Variants in ERMP1 observed in about 807,000 individuals in gnomAD.
ERMP1 encodes endoplasmic reticulum metallopeptidase 1.
ERMP1 carries 86 observed loss-of-function variants against 92.0 expected under a neutral mutation model. The ratio of observed to expected loss-of-function variants is 0.93; its 90% confidence interval spans 0.79 to 1.12. The LOEUF (loss-of-function observed/expected upper bound fraction) is 1.12, where lower values mean the gene tolerates loss of function less well. ERMP1 is among the 50% of genes most tolerant of loss of function. The pLI is 0.00. For synonymous variants in ERMP1, 530 were observed against 412.8 expected (o/e 1.28, Z -3.44); for missense variants, 1,342 against 1,116.3 (o/e 1.20, Z -2.88).
chr9:5,841,453 G>A (rs553698134), intron 6 of ERMP1, among the ~76,000 whole-genome samples: 12 of 152,320 alleles, frequency 7.9e-5, no homozygotes, highest in East Asian at 1.9e-4. Context: ...GGGCAGAGGC[G>A]AGAATGGAAT....
intron 6 of ERMP1, among the ~76,000 whole-genome samples, chr9:5,838,390 A>C (rs1341118752): frequency 6.6e-6 from 1 of 151,966 alleles, no homozygotes; most frequent in East Asian, 1.9e-4. Flanking sequence ...AAAAATACCA[A>C]AAAAATTAGC....
chr9:5,859,600 A>C (rs1830433460), exon 6 of ERMP1, among the ~76,000 whole-genome samples: 1 of 152,242 alleles, frequency 6.6e-6, no homozygotes, highest in Non-Finnish European at 1.5e-5. Context: ...ACCTGTGATC[A>C]GTTGACAATG....
intron 4 of ERMP1, among the ~76,000 whole-genome samples, chr9:5,817,837 G>A (rs996483515): frequency 2.0e-5 from 3 of 151,408 alleles, no homozygotes; most frequent in Non-Finnish European, 2.9e-5. Flanking sequence ...CTCTAGTTAC[G>A]GCATCAATAC....
rs960316679 is a variant in ERMP1, at chr9:5,787,211, T to A, written c.2648A>T (p.Lys883Met). 1 of 1,614,002 alleles carries A rather than the reference T, an allele frequency of 6.2e-7. No homozygotes were observed. Among genetic ancestry groups the A allele is most frequent in the African/African-American group, 1.3e-5 (1 of 74,914 alleles). The change falls in exon 15 of 15, where the codon AAG becomes ATG. Residue 883 changes from lysine (K) to methionine (M), a missense_variant. Physicochemically the swap from Lys to Met is moderately conservative, Grantham distance 95. Coordinates refer to ENST00000339450, the MANE Select transcript of ERMP1 (RefSeq NM_024896.3). ...DKRSPQLDAL[K>M]EKFPDWTFPS... Reference sequence around the variant, plus strand: ...AAATGTCCAATCTGGGAACTTTTCCTTCAGAGCATCCAGTTGAGGGGATCT... The same window carrying A: ...AAATGTCCAATCTGGGAACTTTTCCATCAGAGCATCCAGTTGAGGGGATCT...
intron 6 of ERMP1, among the ~76,000 whole-genome samples, chr9:5,844,150 C>G (rs1830205126): frequency 6.6e-6 from 1 of 152,150 alleles, no homozygotes. Context: ...TCCTGGAAAA[C>G]ACTAACATCC....
chr9:5,809,271 C>A (rs1208248724), intron 8 of ERMP1, among the ~76,000 whole-genome samples: 1 of 152,148 alleles, frequency 6.6e-6, no homozygotes, highest in East Asian at 1.9e-4. Flanking sequence ...CCGCCCACCT[C>A]AGCCTCCCAA....
At position 5,810,107 on chromosome 9, in the gene ERMP1, C is replaced by A; in HGVS notation, c.1452G>T (p.Trp484Cys). ...FISLIGQSLS[W>C]YNHFYVSVCL... ...AAACGGAGACATAGAAGTGGTTATA[C>A]CATGAGAGAGACTGTCCAATAAGAG... is the stretch of plus-strand genomic sequence containing the variant. The change falls in exon 8 of 15, where the codon TGG (tryptophan) becomes TGT (cysteine). Residue 484 changes from tryptophan (W) to cysteine (C), a missense_variant. Physicochemically the swap from Trp to Cys is radical, Grantham distance 215. Coordinates refer to ENST00000339450, the MANE Select transcript of ERMP1 (RefSeq NM_024896.3). The A allele has an allele frequency of 3.1e-6, 5 of 1,613,808 alleles. No homozygotes were observed. Among genetic ancestry groups the A allele is most frequent in the Non-Finnish European group, 4.2e-6 (5 of 1,179,768 alleles).
At chr9:5,828,590 A>T (rs1829815713) in intron 2 of ERMP1, among the ~76,000 whole-genome samples, 1 of 152,106 alleles carries the variant, frequency 6.6e-6, no homozygotes, top group African/African-American at 2.4e-5. Flanking sequence ...CTTCTCTAAA[A>T]ATGTATTGTT....
intron 6 of ERMP1, among the ~76,000 whole-genome samples, chr9:5,849,378 C>A (rs1830278980): frequency 6.6e-6 from 1 of 152,158 alleles, no homozygotes; most frequent in South Asian, 2.1e-4. Flanking sequence ...AGATACTAAT[C>A]TAGCACCTTC....
At chr9:5,863,313 G>C (rs779549109) in intron 5 of ERMP1, among the ~76,000 whole-genome samples, 1 of 152,164 alleles carries the variant, frequency 6.6e-6, no homozygotes, top group Non-Finnish European at 1.5e-5. Context: ...TAAAGTAGAC[G>C]ATGCCAGAAC....
chr9:5,865,416 G>A (rs1307599980), intron 5 of ERMP1, among the ~76,000 whole-genome samples: 1 of 152,032 alleles, frequency 6.6e-6, no homozygotes. Context: ...GCTGAGGCAG[G>A]AGAATGGCGT....
chr9:5,794,794 G>T (rs185205931), intron 13 of ERMP1, among the ~76,000 whole-genome samples: 7 of 152,194 alleles, frequency 4.6e-5, no homozygotes, highest in Non-Finnish European at 7.4e-5. Context: ...CAAGCCTACG[G>T]GGGTTCATAG....
At chr9:5,861,702 G>T (rs1830499185) in intron 5 of ERMP1, among the ~76,000 whole-genome samples, 1 of 142,566 alleles carries the variant, frequency 7.0e-6, no homozygotes, top group African/African-American at 2.6e-5. Flanking sequence ...GTTGACCCCA[G>T]AGAAGAGAGG....
At chr9:5,817,353 C>A (rs2131251772) in intron 4 of ERMP1, among the ~76,000 whole-genome samples, 1 of 152,092 alleles carries the variant, frequency 6.6e-6, no homozygotes, top group East Asian at 1.9e-4. Flanking sequence ...CCATGCCTGG[C>A]TAATTTTTGT....
In ERMP1 at chr9:5,812,718, T is replaced by C. The variant is rs956461486; in HGVS notation, c.1021+171A>G. 22 of 722,522 alleles carry C rather than the reference T, an allele frequency of 3.0e-5. No individual in the cohort carries two copies. In the African/African-American group the frequency reaches 3.9e-4, roughly 13 times the overall value. 44.8% of individuals were successfully genotyped at this position (722,522 alleles called of 1,614,324 possible). A position where few individuals can be genotyped will look rare whatever the true frequency, so the allele number is the denominator to read the frequency against. ...TTTTAGAGGAGGCCAGCATTTAAAT[T>C]AGTATGGAGTTTAAAAAAGGAAACA... On this transcript the variant is annotated intron_variant, in intron 5 of 14. Coordinates refer to ENST00000339450, the MANE Select transcript of ERMP1 (RefSeq NM_024896.3).
At position 5,798,817 on chromosome 9, in the gene ERMP1, G is replaced by C; in HGVS notation, c.2259C>G (p.His753Gln). 1 of 1,612,420 alleles carries C rather than the reference G, an allele frequency of 6.2e-7. No homozygotes were observed. Among genetic ancestry groups the C allele is most frequent in the Non-Finnish European group, 8.5e-7 (1 of 1,178,588 alleles). The change falls in exon 12 of 15, where the codon CAC (histidine) becomes CAG (glutamine). Residue 753 changes from histidine to glutamine, a missense_variant. His to Gln is a conservative substitution (Grantham distance 24). Coordinates refer to ENST00000339450, the MANE Select transcript of ERMP1 (RefSeq NM_024896.3). ...AATAATGAACCAACCTGATCAGAAA[G>C]TGCACTGGAAGATACCAAGGAAAAC... is the stretch of plus-strand genomic sequence containing the variant. ...LCGFPWYLPV[H>Q]FLIRKNWYLP...
chr9:5,792,564 T>C (rs1400946372), intron 13 of ERMP1, among the ~76,000 whole-genome samples: 2 of 152,134 alleles, frequency 1.3e-5, no homozygotes, highest in Admixed American at 6.5e-5. Flanking sequence ...GGCTCCTAAA[T>C]TGCTGGTCAA....
At chr9:5,836,932 C>A (rs1830101894), upstream of ERMP1, among the ~76,000 whole-genome samples, 1 of 152,134 alleles carries the variant, frequency 6.6e-6, no homozygotes, top group South Asian at 2.1e-4. Flanking sequence ...ACTTTTAACC[C>A]CCCCTCAAAT....
chr9:5,831,782 C>T (rs1052796269), intron 1 of ERMP1, among the ~76,000 whole-genome samples: 2 of 152,076 alleles, frequency 1.3e-5, no homozygotes, highest in African/African-American at 4.8e-5. Flanking sequence ...ATGGACCTAG[C>T]CCTCCTAGCA....
Sources: allele counts gnomAD v4.1 joint callset (sites outside exome capture counted in the v4.1 genomes callset), GRCh38; gene constraint gnomAD v4.1.1; transcripts MANE v1.5; gene names NCBI Gene and HGNC (gene_info 2026-07-23, HGNC 2026-07-21).